Variants in PASD1 observed in about 807,000 individuals in gnomAD.
The protein encoded by PASD1 is PAS domain containing repressor 1.
A neutral mutation model predicts 58.8 loss-of-function variants in PASD1; 13 were observed. The ratio of observed to expected loss-of-function variants is 0.22; its 90% CI spans 0.14 to 0.35. The LOEUF (loss-of-function observed/expected upper bound fraction) is 0.35. Among genes scored for constraint, PASD1 ranks in the 10% least tolerant of loss-of-function variants. PASD1 has a pLI of 1.00. For missense variants in PASD1, 734 were observed against 568.3 expected (o/e 1.29, Z -2.96); for synonymous variants, 236 against 216.7 (o/e 1.09, Z -0.78).
intron 1 of PASD1, among the ~76,000 whole-genome samples, chrX:151,595,748 AAC>A (rs1206664679): frequency 9.1e-6 from 1 of 109,733 alleles, no homozygotes; most frequent in African/African-American, 3.3e-5. Context: ...AAAAACAAAA[AAC>A]ATGTGTGCAG....
At chrX:151,618,348 T>C (rs187139786) in intron 4 of PASD1, among the ~76,000 whole-genome samples, 53 of 112,432 alleles carry the variant, frequency 4.7e-4, no homozygotes, top group Non-Finnish European at 8.5e-4. Context: ...TTGTGGTTCA[T>C]CACACAAAGC....
At chrX:151,634,546 A>G (rs2013906451) in intron 8 of PASD1, among the ~76,000 whole-genome samples, 1 of 110,911 alleles carries the variant, frequency 9.0e-6, no homozygotes. Context: ...TTTAGTTGTC[A>G]TATGTCTTTA....
rs779914306 is a variant in PASD1, at chrX:151,569,322, G to A, written c.-28+5483G>A. On this transcript the variant is annotated intron_variant, in intron 1 of 15. Transcript: ENST00000370357. ...GACTTAGGGCTGTTTACTCTTTTCC[G>A]TCTCCCATATCAGCCTCCTTTGCCA... Among the ~76,000 whole-genome samples, 4 of 111,729 alleles carry A rather than the reference G, an allele frequency of 3.6e-5. No homozygotes were observed. In the Admixed American group the frequency reaches 3.8e-4, roughly 11 times the overall value.
chrX:151,673,964 C>T lies in PASD1; in HGVS notation c.1953C>T (p.Asn651=). The change falls in exon 15 of 16, where the codon AAC becomes AAT. Residue 651 remains asparagine (N), a synonymous_variant. Coordinates refer to ENST00000370357, the MANE Select transcript of PASD1 (RefSeq NM_173493.3). ...YPEAYQGPPV[N]QLPLIDTSNS... ...AGGCGTATCAAGGGCCCCCCGTGAA[C>T]CAGCTGCCATTGATAGATACCTCAA... is the stretch of plus-strand genomic sequence containing the variant. The T allele has an allele frequency of 1.7e-6, 2 of 1,211,054 alleles. No individual in the cohort carries two copies. The highest frequency in any genetic ancestry group is 3.5e-5 in the South Asian group (2 of 56,954).
chrX:151,664,201 G>A lies in PASD1; in HGVS notation c.924G>A (p.Val308=). ...RADPVDLEFS[V]DQVDSVDQEG... ...ACCCAGTGGACCTGGAGTTCTCGGTGGATCAGGTGGACTCAGTGGACCAGG... is the reference window on the plus strand; with the variant it reads ...ACCCAGTGGACCTGGAGTTCTCGGTAGATCAGGTGGACTCAGTGGACCAGG... Residue 308 remains valine (V), a synonymous_variant, in exon 11 of 16, where the codon GTG becomes GTA. Transcript: ENST00000370357. 8.3e-7 allele frequency: 1 copy of A among 1,211,511 alleles called. No individual in the cohort carries two copies. Among genetic ancestry groups the A allele is most frequent in the Non-Finnish European group, 1.1e-6 (1 of 895,469 alleles).
chrX:151,599,289 A>T (rs1179824856), intron 1 of PASD1, among the ~76,000 whole-genome samples: 6 of 112,772 alleles, frequency 5.3e-5, no homozygotes, highest in African/African-American at 1.9e-4. Context: ...TTTCTATTCG[A>T]CAAAACCGCC....
chrX:151,625,786 A>G (rs1388388713), intron 8 of PASD1, among the ~76,000 whole-genome samples: 1 of 111,064 alleles, frequency 9.0e-6, no homozygotes, highest in Non-Finnish European at 1.9e-5. Flanking sequence ...TCTACAAAAA[A>G]TACAAAAAAA....
chrX:151,567,037 T>TC (rs1262177343), intron 1 of PASD1, among the ~76,000 whole-genome samples: 1 of 99,737 alleles, frequency 1.0e-5, no homozygotes, highest in Non-Finnish European at 2.0e-5. Flanking sequence ...AGAGTGAAAC[T>TC]CCGTCTCAAA....
intron 1 of PASD1, among the ~76,000 whole-genome samples, chrX:151,569,477 G>T (rs2012896075): frequency 1.8e-5 from 2 of 112,044 alleles, no homozygotes; most frequent in African/African-American, 6.5e-5. Flanking sequence ...TGCACAAAAT[G>T]ATTGTACTTT....
At position 151,611,090 on chromosome X, in the gene PASD1, A is replaced by G. The variant is rs375745466; in HGVS notation, c.118-574A>G. Among the ~76,000 whole-genome samples the G allele has an allele frequency of 4.1e-4, 46 of 111,349 alleles. No homozygotes were observed. In the East Asian group the frequency reaches 4.2e-3, roughly 10 times the overall value. ...AGGGTCTAATATTCTCCAGTGTCTT[A>G]ATTCTCACAATCTAGTCATTTCTGA... On this transcript the variant is annotated intron_variant, in intron 3 of 15. Coordinates refer to ENST00000370357, the MANE Select transcript of PASD1 (RefSeq NM_173493.3).
intron 2 of PASD1, among the ~76,000 whole-genome samples, chrX:151,603,993 C>T (rs2013453937): frequency 9.0e-6 from 1 of 111,363 alleles, no homozygotes; most frequent in South Asian, 3.8e-4. Context: ...TAGTGAAGTC[C>T]CTTTGCTAGT....
At chrX:151,661,341 A>G (rs748030119) in intron 10 of PASD1, among the ~76,000 whole-genome samples, 1 of 111,873 alleles carries the variant, frequency 8.9e-6, no homozygotes, top group African/African-American at 3.2e-5. Context: ...GCTCATGACC[A>G]TAGCATGGTA....
At chrX:151,653,787 TTTCTTTCTTTCTTTCCTTCCTTCC>T (rs2014177876) in intron 9 of PASD1, among the ~76,000 whole-genome samples, 2 of 14,234 alleles carry the variant, frequency 1.4e-4, no homozygotes, top group Admixed American at 9.8e-4. Context: ...TCTTTCTTTC[TTTCTTTCTTTCTTTCCTTCCTTCC>T]TTCCTTCCTT....
intron 1 of PASD1, among the ~76,000 whole-genome samples, chrX:151,591,945 C>T (rs1340059101): frequency 8.9e-6 from 1 of 111,964 alleles, no homozygotes; most frequent in Non-Finnish European, 1.9e-5. Flanking sequence ...GGTAAAACTT[C>T]AAAATTTTAA....
At chrX:151,574,897 T>C (rs1228124683) in intron 1 of PASD1, among the ~76,000 whole-genome samples, 1 of 112,231 alleles carries the variant, frequency 8.9e-6, no homozygotes, top group Non-Finnish European at 1.9e-5. Context: ...GGAATCCTCC[T>C]GTCTCAGGCT....
rs2013712196 is a variant in PASD1, at chrX:151,621,606, T to G, written c.418+14T>G. 1 of 1,100,737 alleles carries G rather than the reference T, an allele frequency of 9.1e-7. No individual in the cohort carries two copies. The highest frequency in any genetic ancestry group is 2.0e-5 in the South Asian group (1 of 50,203). 90.7% of individuals were successfully genotyped at this position (1,100,737 alleles called of 1,213,427 possible). A position where few individuals can be genotyped will look rare whatever the true frequency, so the allele number is the denominator to read the frequency against. The stretch of plus-strand genomic sequence containing the variant: ...ATATTTGTAATGGTAAGCAGTTCTG[T>G]TTATCTTATCTATATGACATTTATG... On this transcript the variant is annotated intron_variant, in intron 6 of 15. Transcript: ENST00000370357.
At chrX:151,590,539 C>G (rs1355709960) in intron 1 of PASD1, among the ~76,000 whole-genome samples, 1 of 110,932 alleles carries the variant, frequency 9.0e-6, no homozygotes, top group East Asian at 2.8e-4. Context: ...GGGTCCTGGA[C>G]TGATTCTCAG....
At chrX:151,590,365 T>G (rs909173796) in intron 1 of PASD1, among the ~76,000 whole-genome samples, 4 of 111,587 alleles carry the variant, frequency 3.6e-5, no homozygotes, top group African/African-American at 9.8e-5. Flanking sequence ...AACTCTTTCC[T>G]AGTCCCCTAG....
At chrX:151,624,969 C>T (rs1489899940) in intron 7 of PASD1, among the ~76,000 whole-genome samples, 1 of 111,877 alleles carries the variant, frequency 8.9e-6, no homozygotes, top group Admixed American at 9.5e-5. Context: ...GGAAGTCAAC[C>T]CCAGTAACTA....
Sources: allele counts gnomAD v4.1 joint callset (sites outside exome capture counted in the v4.1 genomes callset), GRCh38; gene constraint gnomAD v4.1.1; transcripts MANE v1.5; gene names NCBI Gene and HGNC (gene_info 2026-07-23, HGNC 2026-07-21).